GARNL3: variants seen among roughly 807,000 people sequenced by gnomAD.
The protein encoded by GARNL3 is GTPase-activating Rap/Ran-GAP domain-like protein 3.
In GARNL3, 63 loss-of-function variants were observed where a neutral mutation model predicts 125.0. The observed-to-expected ratio is 0.50, with a 90% CI of 0.41 to 0.62. The LOEUF is 0.62. Ranked by LOEUF, GARNL3 falls within the 20% of genes least tolerant of loss-of-function variation. GARNL3 has a pLI of 0.00. For missense variants in GARNL3, 994 were observed against 1,244.0 expected (o/e 0.80, Z 3.02); for synonymous variants, 439 against 457.5 (o/e 0.96, Z 0.52).
chr9:127,376,798 A>G (rs914533095), intron 22 of GARNL3, among the ~76,000 whole-genome samples: 33 of 152,232 alleles, frequency 2.2e-4, no homozygotes, highest in African/African-American at 7.7e-4. Flanking sequence ...GTCAGTAAGT[A>G]TAGAAGATAT....
chr9:127,290,459 C>G (rs2064381380), intron 1 of GARNL3, among the ~76,000 whole-genome samples: 1 of 152,120 alleles, frequency 6.6e-6, no homozygotes, highest in African/African-American at 2.4e-5. Flanking sequence ...ATCTTTGTTG[C>G]AAATTGTGGG....
chr9:127,264,172 G>A (rs1588709237), upstream of GARNL3: 4 of 481,630 alleles, frequency 8.3e-6, no homozygotes, highest in East Asian at 1.3e-4. Context: ...GGTTTCATGA[G>A]TATTGCTTGA....
At chr9:127,285,347 C>T (rs376223875) in intron 1 of GARNL3, among the ~76,000 whole-genome samples, 2 of 152,162 alleles carry the variant, frequency 1.3e-5, no homozygotes, top group South Asian at 2.1e-4. Context: ...CGCTCGAACT[C>T]GGGAGGCAGA....
intron 1 of GARNL3, among the ~76,000 whole-genome samples, chr9:127,239,674 A>G (rs777833337): frequency 1.3e-5 from 2 of 152,248 alleles, no homozygotes; most frequent in Non-Finnish European, 2.9e-5. Flanking sequence ...TAGTGAGAAG[A>G]TAAAGGTAAA....
upstream of GARNL3, among the ~76,000 whole-genome samples, chr9:127,259,860 C>A (rs2063553725): frequency 6.7e-6 from 1 of 149,996 alleles, no homozygotes; most frequent in South Asian, 2.1e-4. Flanking sequence ...CATTGTGAGA[C>A]CCCCCCGCCC....
At chr9:127,357,760 AG>A (rs1258767056) in intron 21 of GARNL3, among the ~76,000 whole-genome samples, 5 of 149,434 alleles carry the variant, frequency 3.3e-5, no homozygotes, top group Non-Finnish European at 3.0e-5. Flanking sequence ...CAACATGGCA[AG>A]ACCCTGTCTG....
chr9:127,268,238 T>G (rs1026327518), intron 1 of GARNL3, among the ~76,000 whole-genome samples: 1 of 152,192 alleles, frequency 6.6e-6, no homozygotes, highest in South Asian at 2.1e-4. Context: ...CTCAGCTGTT[T>G]CCCTGCCTTA....
intron 1 of GARNL3, among the ~76,000 whole-genome samples, 161 bp downstream of exon 1, chr9:127,265,182 G>A (rs2063676922): frequency 6.6e-6 from 1 of 152,130 alleles, no homozygotes; most frequent in South Asian, 2.1e-4. Context: ...ATGATAATTT[G>A]ATCTTCTTTA....
chr9:127,291,382 T>TA, intron 2 of GARNL3, 140 bp downstream of exon 2: 1 of 720,542 alleles, frequency 1.4e-6, no homozygotes, highest in Admixed American at 2.4e-5. Flanking sequence ...GAAATGTCAG[T>TA]ATTCTGGCAT....
rs1173865670 is a variant in GARNL3 at position 127,280,616 on chromosome 9, G to C, written c.145-10552G>C. ...CCGTATAGTAAGTAGAAAATGTCTT[G>C]ATATTTTGGACGTAGAATTGCCAAT... On this transcript the variant is annotated intron_variant, in intron 1 of 27. Coordinates refer to ENST00000373387, the MANE Select transcript of GARNL3 (RefSeq NM_032293.5). The surrounding 1 kb of genome is among the most constrained non-coding windows in gnomAD (Gnocchi z 4.5). Among the ~76,000 whole-genome samples, 1 of 152,192 alleles carries C rather than the reference G, an allele frequency of 6.6e-6. No homozygotes were observed. The highest frequency in any genetic ancestry group is 2.4e-5 in the African/African-American group (1 of 41,450).
chr9:127,258,095 G>A (rs1472353500), intron 2 of GARNL3, among the ~76,000 whole-genome samples: 1 of 152,080 alleles, frequency 6.6e-6, no homozygotes, highest in East Asian at 1.9e-4. Flanking sequence ...TCAAATCCAG[G>A]AGTATCTAAC....
intron 1 of GARNL3, among the ~76,000 whole-genome samples, chr9:127,290,920 T>C (rs758195700): frequency 7.6e-6 from 1 of 131,250 alleles, no homozygotes; most frequent in Non-Finnish European, 1.6e-5. Flanking sequence ...TTGGAATGTG[T>C]TCCAATTAAA....
At chr9:127,303,697 G>A (rs939994315) in intron 2 of GARNL3, among the ~76,000 whole-genome samples, 13 of 152,194 alleles carry the variant, frequency 8.5e-5, no homozygotes, top group African/African-American at 2.7e-4. Context: ...TTTTAAAACT[G>A]TGGATACCAT....
At chr9:127,370,473 C>T (rs921051983) in intron 22 of GARNL3, among the ~76,000 whole-genome samples, 1 of 152,204 alleles carries the variant, frequency 6.6e-6, no homozygotes, top group African/African-American at 2.4e-5. Flanking sequence ...ACCACAAACA[C>T]CCAGAAGGCC....
At chr9:127,349,555 C>T (rs1005980127) in intron 17 of GARNL3, among the ~76,000 whole-genome samples, 2 of 152,156 alleles carry the variant, frequency 1.3e-5, no homozygotes, top group Non-Finnish European at 2.9e-5. Flanking sequence ...TAAAATCACA[C>T]ATTCTGACAG....
At chr9:127,251,889 C>G (rs2063411237) in intron 2 of GARNL3, among the ~76,000 whole-genome samples, 1 of 152,110 alleles carries the variant, frequency 6.6e-6, no homozygotes, top group Admixed American at 6.5e-5. Context: ...TGTGAGGATG[C>G]CCCCTCCCCT....
intron 16 of GARNL3, among the ~76,000 whole-genome samples, chr9:127,346,664 G>T (rs1215420528): frequency 6.6e-6 from 1 of 152,170 alleles, no homozygotes; most frequent in Non-Finnish European, 1.5e-5. Flanking sequence ...GTCCATTGTT[G>T]AGGTCAGTAC....
rs780274375 is a variant in GARNL3 at position 127,390,800 on chromosome 9, G to A, written c.2870+33G>A. 8.1e-6 allele frequency: 13 copies of A among 1,604,284 alleles called. No individual in the cohort carries two copies. The East Asian group carries it at 2.5e-4, about 30-fold the overall frequency. On this transcript the variant is annotated intron_variant, in intron 27 of 27. Coordinates refer to ENST00000373387, the MANE Select transcript of GARNL3 (RefSeq NM_032293.5). ...GAGGGAGAGGCCCCTGCTTGGGGTG[G>A]TGGACCTATGAGTCACAGCACTGCC... is the stretch of plus-strand genomic sequence containing the variant.
rs1234819273 is a variant in GARNL3, at chr9:127,385,188, C to T, written c.2388+43C>T. On this transcript the variant is annotated intron_variant, in intron 24 of 27. Transcript: ENST00000373387. The surrounding 1 kb of genome is among the most constrained non-coding windows in gnomAD (Gnocchi z 4.1). ...TTTATCTCTGAGTGGTTTGGGGGAC[C>T]CCGGCACTGTGGGATTTCAGGTGAG... The T allele has an allele frequency of 7.9e-7, 1 of 1,266,696 alleles. No individual in the cohort carries two copies. Among genetic ancestry groups the T allele is most frequent in the Non-Finnish European group, 1.1e-6 (1 of 898,534 alleles). The allele number at this position is 1,266,696 out of a possible 1,614,324, so 78.5% of individuals were successfully genotyped here.
Sources: allele counts gnomAD v4.1 joint callset (sites outside exome capture counted in the v4.1 genomes callset), GRCh38; gene constraint gnomAD v4.1.1; non-coding constraint Gnocchi (gnomAD v3.1); transcripts MANE v1.5; gene names NCBI Gene and HGNC (gene_info 2026-07-23, HGNC 2026-07-21).